Variants in PDE8A observed in about 807,000 individuals in gnomAD.
PDE8A encodes the protein high affinity cAMP-specific and IBMX-insensitive 3',5'-cyclic phosphodiesterase 8A.
PDE8A carries 59 observed loss-of-function variants against 105.0 expected under a neutral mutation model. That is an observed-to-expected ratio of 0.56 (90% CI 0.46 to 0.70). PDE8A has a LOEUF of 0.70. PDE8A is among the 30% of genes least tolerant of loss of function. PDE8A has a pLI of 0.00. For missense variants in PDE8A, 1,014 were observed against 1,045.9 expected (o/e 0.97, Z 0.42); for synonymous variants, 355 against 371.9 (o/e 0.95, Z 0.52).
intron 1 of PDE8A, among the ~76,000 whole-genome samples, chr15:85,033,734 G>A (rs1200348787): frequency 6.6e-6 from 1 of 152,070 alleles, no homozygotes. Context: ...GCGTGGTGGC[G>A]GGCGCCTGTA....
chr15:85,117,613 A>C (rs1008868862), intron 16 of PDE8A, 28 bp from the exon 17 acceptor site: 2 of 1,592,562 alleles, frequency 1.3e-6, no homozygotes, highest in East Asian at 4.5e-5. Flanking sequence ...GCTTTGTTCT[A>C]ATATTGTGGG....
chr15:85,119,244 C>T (rs2082142274), intron 17 of PDE8A, among the ~76,000 whole-genome samples: 3 of 151,660 alleles, frequency 2.0e-5, no homozygotes, highest in East Asian at 3.9e-4. Flanking sequence ...TTTGGGATAC[C>T]AAGGCAGATG....
At chr15:85,052,000 G>C (rs1169985450) in intron 1 of PDE8A, among the ~76,000 whole-genome samples, 1 of 150,194 alleles carries the variant, frequency 6.7e-6, no homozygotes, top group Non-Finnish European at 1.5e-5. Context: ...AGGCCCCGGT[G>C]TGTGATGTTC....
At position 85,115,499 on chromosome 15, in the gene PDE8A, C is replaced by T. The variant is rs1188337726; in HGVS notation, c.1399+12C>T. The T allele has an allele frequency of 4.3e-6, 6 of 1,408,680 alleles. No homozygotes were observed. In the Admixed American group the frequency reaches 1.2e-4, roughly 28 times the overall value. The allele number at this position is 1,408,680 out of a possible 1,614,324, so 87.3% of individuals were successfully genotyped here. ...TCTTTCAACAAAAAGTAAGTTTTTCCTTTTTAATTTCTTAGATCACTGTCT... is the reference window on the plus strand; with the variant it reads ...TCTTTCAACAAAAAGTAAGTTTTTCTTTTTTAATTTCTTAGATCACTGTCT... On this transcript the variant is annotated intron_variant, in intron 15 of 21. Transcript: ENST00000394553.
chr15:84,981,691 A>AGGCGGCGGC (rs143049742), upstream of PDE8A, among the ~76,000 whole-genome samples: 1 of 150,674 alleles, frequency 6.6e-6, no homozygotes, highest in Non-Finnish European at 1.5e-5. Flanking sequence ...GGAGCCGGGG[A>AGGCGGCGGC]GGCGGCGGCG....
intron 1 of PDE8A, among the ~76,000 whole-genome samples, chr15:85,034,424 G>T (rs2141379441): frequency 6.6e-6 from 1 of 152,210 alleles, no homozygotes; most frequent in African/African-American, 2.4e-5. Context: ...AAACAAATGT[G>T]GAGATTGATA....
chr15:85,072,283 G>A (rs1014733349), intron 3 of PDE8A, among the ~76,000 whole-genome samples: 2 of 152,218 alleles, frequency 1.3e-5, no homozygotes, highest in African/African-American at 4.8e-5. Context: ...TGTTCTTATA[G>A]TGAGCCTCCA....
chr15:85,091,302 A>AG (rs1216005682), intron 8 of PDE8A, 121 bp downstream of exon 8: 5 of 834,478 alleles, frequency 6.0e-6, no homozygotes, highest in African/African-American at 1.7e-5. Flanking sequence ...AGGGAAGTAT[A>AG]GGGAATGTTA....
chr15:85,018,239 G>A (rs1330649956), intron 1 of PDE8A, among the ~76,000 whole-genome samples: 2 of 152,188 alleles, frequency 1.3e-5, no homozygotes, highest in African/African-American at 4.8e-5. Flanking sequence ...AGAGTCTGTA[G>A]TGGTACTAAT....
At chr15:85,115,728 T>C (rs1209669498) in intron 15 of PDE8A, 10 of 541,124 alleles carry the variant, frequency 1.8e-5, no homozygotes, top group African/African-American at 5.8e-5. Flanking sequence ...AAGACCAGCC[T>C]GGCCAACATG....
chr15:85,015,153 C>T (rs2080303854), intron 1 of PDE8A, among the ~76,000 whole-genome samples: 1 of 152,172 alleles, frequency 6.6e-6, no homozygotes, highest in Non-Finnish European at 1.5e-5. Flanking sequence ...CCGGCTTGAT[C>T]TGTCTATACC....
chr15:85,110,810 C>T (rs2082010605), intron 12 of PDE8A, among the ~76,000 whole-genome samples: 1 of 152,174 alleles, frequency 6.6e-6, no homozygotes, highest in South Asian at 2.1e-4. Context: ...GGCCTTAGAG[C>T]AGCTGCAAAT....
chr15:85,011,307 GT>G (rs1322594968), intron 1 of PDE8A, among the ~76,000 whole-genome samples: 1 of 152,104 alleles, frequency 6.6e-6, no homozygotes, highest in East Asian at 1.9e-4. Flanking sequence ...TTTTTGTAGG[GT>G]TTTTTTCTTC....
chr15:85,041,196 A>T (rs1596466688), intron 1 of PDE8A, among the ~76,000 whole-genome samples: 2 of 152,240 alleles, frequency 1.3e-5, no homozygotes, highest in African/African-American at 4.8e-5. Flanking sequence ...TGTTACTTTT[A>T]ATGGGAAAAA....
chr15:85,082,133 T>C (rs2141499123), intron 5 of PDE8A, among the ~76,000 whole-genome samples: 1 of 152,248 alleles, frequency 6.6e-6, no homozygotes, highest in East Asian at 1.9e-4. Flanking sequence ...TTTTTGGGTG[T>C]TCCCATGGGG....
chr15:85,008,830 C>G (rs920209150), intron 1 of PDE8A, among the ~76,000 whole-genome samples: 1 of 152,164 alleles, frequency 6.6e-6, no homozygotes, highest in African/African-American at 2.4e-5. Context: ...AAGGCATAGT[C>G]TGCCAACATT....
chr15:85,044,929 C>T (rs1012227172), intron 1 of PDE8A, among the ~76,000 whole-genome samples: 2 of 152,190 alleles, frequency 1.3e-5, no homozygotes, highest in Non-Finnish European at 2.9e-5. Context: ...CATCGTATGA[C>T]CCCTGCTTAG....
At position 85,136,408 on chromosome 15, in the gene PDE8A, G is replaced by C. The variant is rs2082410571; in HGVS notation, c.2254-126G>C. The C allele has an allele frequency of 3.3e-6, 3 of 903,500 alleles. No individual in the cohort carries two copies. The South Asian group carries it at 4.9e-5, about 15-fold the overall frequency. The allele number at this position is 903,500 out of a possible 1,614,324, so 56.0% of individuals were successfully genotyped here. ...ACATGGTTTGGCTGCGTGAGGTGGTGATTGGCTTCTCACCATGACAAGCCA... is the reference window on the plus strand; with the variant it reads ...ACATGGTTTGGCTGCGTGAGGTGGTCATTGGCTTCTCACCATGACAAGCCA... On this transcript the variant is annotated intron_variant, in intron 20 of 21. Coordinates refer to ENST00000394553, the MANE Select transcript of PDE8A (RefSeq NM_002605.3).
intron 19 of PDE8A, among the ~76,000 whole-genome samples, chr15:85,124,659 TTCCTG>T (rs2082232204): frequency 6.6e-6 from 1 of 152,220 alleles, no homozygotes; most frequent in Non-Finnish European, 1.5e-5. Flanking sequence ...TCTTCACCCT[TTCCTG>T]TTCTCTCAAT....
Sources: gnomAD v4.1 joint callset for allele counts (sites outside exome capture counted in the v4.1 genomes callset) on GRCh38, gnomAD v4.1.1 for gene constraint, MANE v1.5 for transcripts, NCBI Gene and HGNC (gene_info 2026-07-23, HGNC 2026-07-21) for gene names.